Variants in SV2C observed in about 807,000 individuals in gnomAD.
SV2C encodes the protein solute carrier family 22 member B3.
SV2C carries 49 observed loss-of-function variants against 79.7 expected under a neutral mutation model. That is an observed-to-expected ratio of 0.61 (90% confidence interval 0.49 to 0.78). The LOEUF is 0.78. SV2C is among the 30% of genes least tolerant of loss of function. The pLI, the probability that SV2C is intolerant of heterozygous loss-of-function variation, is 0.00. For synonymous variants in SV2C, 334 were observed against 333.2 expected, an observed-to-expected ratio of 1.00 and a Z score of -0.03; for missense variants, 833 against 912.9, an observed-to-expected ratio of 0.91 and a Z score of 1.13.
chr5:76,126,089 G>T (rs1225915798), intron 1 of SV2C, among the ~76,000 whole-genome samples: 3 of 152,012 alleles, frequency 2.0e-5, no homozygotes, highest in African/African-American at 4.8e-5. Flanking sequence ...TTACTTTATG[G>T]TGTTCCTTTT....
chr5:75,957,130 C>T, the SV2C span, among the ~76,000 whole-genome samples: 1 of 151,936 alleles, frequency 6.6e-6, no homozygotes, highest in Admixed American at 6.6e-5. Flanking sequence ...GATTTATTCA[C>T]TTACTGAGGA....
intron 4 of SV2C, among the ~76,000 whole-genome samples, chr5:76,242,995 C>G: frequency 1.0e-5 from 1 of 100,202 alleles, no homozygotes; most frequent in Non-Finnish European, 1.8e-5. Context: ...GCCTGTGCAA[C>G]AGATCGAGAC....
the SV2C span, among the ~76,000 whole-genome samples, chr5:75,892,288 C>T: frequency 6.9e-3 from 1,052 of 151,960 alleles, 12 homozygotes; most frequent in African/African-American, 0.022. Flanking sequence ...TTATGAGGCA[C>T]ATGAGAAATT....
chr5:76,280,654 G>A (rs939970990), intron 4 of SV2C, among the ~76,000 whole-genome samples: 2 of 152,286 alleles, frequency 1.3e-5, no homozygotes, highest in Admixed American at 6.5e-5. Context: ...CGGCGGCCTC[G>A]TGGCCGGCTC....
At chr5:76,204,541 C>A (rs1335397450) in intron 3 of SV2C, among the ~76,000 whole-genome samples, 1 of 152,110 alleles carries the variant, frequency 6.6e-6, no homozygotes, top group Non-Finnish European at 1.5e-5. Context: ...GGCTGCTTGA[C>A]AATTATATGG....
chr5:76,131,592 TA>T, intron 1 of SV2C, 57 bp from the exon 2 acceptor site: 2 of 460,496 alleles, frequency 4.3e-6, no homozygotes, highest in Admixed American at 8.0e-5. Context: ...AAATAGACGG[TA>T]AAAAATATAT....
intron 12 of SV2C, among the ~76,000 whole-genome samples, chr5:76,343,569 T>C (rs1227829773): frequency 1.3e-5 from 2 of 152,192 alleles, no homozygotes; most frequent in Non-Finnish European, 2.9e-5. Context: ...TAATACCATG[T>C]GCTGACAAGG....
intron 2 of SV2C, among the ~76,000 whole-genome samples, chr5:76,146,176 T>C (rs1749413614): frequency 6.6e-6 from 1 of 152,128 alleles, no homozygotes; most frequent in South Asian, 2.1e-4. Context: ...CAGGGAAAGC[T>C]TGGACAAGAG....
At chr5:76,322,748 C>A (rs868275760) in intron 12 of SV2C, among the ~76,000 whole-genome samples, 11 of 152,312 alleles carry the variant, frequency 7.2e-5, no homozygotes, top group Middle Eastern at 3.4e-3. Flanking sequence ...CTACAACCAT[C>A]TGATCTTCAA....
At chr5:76,062,972 C>G in the SV2C span, among the ~76,000 whole-genome samples, 3 of 152,106 alleles carry the variant, frequency 2.0e-5, no homozygotes, top group Non-Finnish European at 4.4e-5. Context: ...GTTATCTCAT[C>G]TTATTTATCC....
chr5:76,213,185 A>C (rs1394596539), intron 4 of SV2C, among the ~76,000 whole-genome samples: 2 of 152,224 alleles, frequency 1.3e-5, no homozygotes, highest in East Asian at 1.9e-4. Flanking sequence ...GGCAAAAAAA[A>C]CATATATTTC....
chr5:76,004,948 T>C, the SV2C span, among the ~76,000 whole-genome samples: 2 of 152,304 alleles, frequency 1.3e-5, no homozygotes, highest in South Asian at 4.1e-4. Flanking sequence ...GGGGCATACC[T>C]TGTCAGAGGG....
chr5:76,038,951 C>G, the SV2C span, among the ~76,000 whole-genome samples: 1 of 152,198 alleles, frequency 6.6e-6, no homozygotes, highest in Non-Finnish European at 1.5e-5. Context: ...CCAGAAGAAA[C>G]AGTAGAACAG....
chr5:75,860,018 C>A, the SV2C span, among the ~76,000 whole-genome samples: 1 of 152,152 alleles, frequency 6.6e-6, no homozygotes, highest in Non-Finnish European at 1.5e-5. Context: ...CTAGACCCGT[C>A]TTTTAAACTC....
chr5:76,231,486 T>C (rs1745419440), intron 4 of SV2C, among the ~76,000 whole-genome samples: 1 of 151,840 alleles, frequency 6.6e-6, no homozygotes, highest in Non-Finnish European at 1.5e-5. Flanking sequence ...GTGCACATTG[T>C]GCAGGTTAGT....
chr5:75,940,606 A>G, the SV2C span, among the ~76,000 whole-genome samples: 1 of 152,070 alleles, frequency 6.6e-6, no homozygotes, highest in Non-Finnish European at 1.5e-5. Context: ...CACTTGATTT[A>G]CTTCTTAATG....
chr5:75,993,533 A>G, the SV2C span, among the ~76,000 whole-genome samples: 1 of 152,084 alleles, frequency 6.6e-6, no homozygotes, highest in East Asian at 1.9e-4. Flanking sequence ...ACACTGGCTC[A>G]AAGGATGAAC....
rs190314504 is a variant in SV2C at position 76,258,948 on chromosome 5, T to A, written c.914-26214T>A. On this transcript the variant is annotated intron_variant, in intron 4 of 12. Transcript: ENST00000502798. ...CTTTCACTCGGCATGTTTTTAAAAT[T>A]CATCCTGGTTGTTGCATGTGTGGCT... is the stretch of plus-strand genomic sequence containing the variant. Among the ~76,000 whole-genome samples the A allele has an allele frequency of 1.8e-3, 271 of 152,342 alleles. 2 individuals are homozygous for A. Among genetic ancestry groups the A allele is most frequent in the African/African-American group, 6.0e-3 (251 of 41,588 alleles).
chr5:75,867,106 A>C, the SV2C span, among the ~76,000 whole-genome samples: 1 of 152,178 alleles, frequency 6.6e-6, no homozygotes, highest in East Asian at 1.9e-4. Context: ...TAGCTTCTCC[A>C]CACCCCCAGG....
Sources: allele counts gnomAD v4.1 joint callset (sites outside exome capture counted in the v4.1 genomes callset), GRCh38; gene constraint gnomAD v4.1.1; transcripts MANE v1.5; gene names NCBI Gene and HGNC (gene_info 2026-07-23, HGNC 2026-07-21).